DNAJC10: variants seen among roughly 807,000 people sequenced by gnomAD.
DNAJC10 encodes the protein endoplasmic reticulum disulfide reductase DNAJC10.
Under a neutral mutation model 115.0 loss-of-function variants are expected in DNAJC10, and 101 were observed. The observed-to-expected ratio is 0.88, with a 90% CI of 0.75 to 1.04. The LOEUF is 1.04. Among genes scored for constraint, DNAJC10 ranks in the 50% least tolerant of loss-of-function variants. The probability of loss-of-function intolerance (pLI) is 0.00; values close to 1 mark genes in which losing one functional copy is unlikely to be tolerated. For missense variants in DNAJC10, 981 were observed against 928.8 expected (o/e 1.06, Z -0.73); for synonymous variants, 307 against 301.5 (o/e 1.02, Z -0.19).
chr2:182,781,759 C>T lies in DNAJC10; in HGVS notation c.*4627C>T, dbSNP rs1466636848. The T allele has an allele frequency of 2.0e-5, 3 of 152,126 alleles. No homozygotes were observed. Among genetic ancestry groups the T allele is most frequent in the Non-Finnish European group, 4.4e-5 (3 of 68,028 alleles). The allele number at this position is 152,126 out of a possible 1,614,324, so 9.4% of individuals were successfully genotyped here. ...ATATCTTTGTTGGCCACCTAAATGTCTTCTTTTGAGAAGTGTCTGTTCATA... is the reference window on the plus strand; with the variant it reads ...ATATCTTTGTTGGCCACCTAAATGTTTTCTTTTGAGAAGTGTCTGTTCATA... On this transcript the variant is annotated 3_prime_UTR_variant, in exon 24 of 24. Transcript: ENST00000264065.
At chr2:182,759,040 T>G in intron 20 of DNAJC10, 120 bp from the exon 21 acceptor site, 4 of 1,044,406 alleles carry the variant, frequency 3.8e-6, no homozygotes, top group Non-Finnish European at 5.6e-6. Flanking sequence ...AGTACTGTAC[T>G]TTATTACATT....
Position 182,777,208 on chromosome 2 carries a change from C to A in DNAJC10, c.*76C>A. 1.1e-6 allele frequency: 1 copy of A among 883,604 alleles called. No individual in the cohort carries two copies. Among genetic ancestry groups the A allele is most frequent in the Non-Finnish European group, 1.6e-6 (1 of 611,028 alleles). 54.7% of individuals were successfully genotyped at this position (883,604 alleles called of 1,614,324 possible). On this transcript the variant is annotated 3_prime_UTR_variant, in exon 24 of 24. Coordinates refer to ENST00000264065, the MANE Select transcript of DNAJC10 (RefSeq NM_018981.4). The stretch of plus-strand genomic sequence containing the variant: ...CAGAAGACACCTATTTAGAATGTTA[C>A]ATTTATGATGGGAATGAATGAACAT...
chr2:182,729,081 A>T, intron 7 of DNAJC10, 87 bp downstream of exon 7: 1 of 1,367,650 alleles, frequency 7.3e-7, no homozygotes, highest in Non-Finnish European at 1.0e-6. Context: ...TAGAATTTGC[A>T]GAACATTTTA....
At position 182,785,908 on chromosome 2, in the gene DNAJC10, T is replaced by A. The variant is rs189385963; in HGVS notation, c.*8776T>A. 6 of 152,234 alleles carry A rather than the reference T, an allele frequency of 3.9e-5. No individual in the cohort carries two copies. Among genetic ancestry groups the A allele is most frequent in the East Asian group, 3.9e-4 (2 of 5,180 alleles). The allele number at this position is 152,234 out of a possible 1,614,324, so 9.4% of individuals were successfully genotyped here. On this transcript the variant is annotated 3_prime_UTR_variant, in exon 24 of 24. Transcript: ENST00000264065. ...TGTTGCATATTCTAATGACTTTTTT[T>A]AATAATGAAAATGTTTGGCATTTGC... is the stretch of plus-strand genomic sequence containing the variant.
intron 23 of DNAJC10, 141 bp downstream of exon 23, chr2:182,775,561 G>A: frequency 1.8e-6 from 1 of 566,164 alleles, no homozygotes; most frequent in Non-Finnish European, 3.2e-6. Flanking sequence ...TCTACTTTGG[G>A]AAATAGGACA....
At position 182,787,432 on chromosome 2, in the gene DNAJC10, A is replaced by G. The variant is rs1438303174; in HGVS notation, c.*10300A>G. 1 of 152,212 alleles carries G rather than the reference A, an allele frequency of 6.6e-6. No individual in the cohort carries two copies. Among genetic ancestry groups the G allele is most frequent in the East Asian group, 1.9e-4 (1 of 5,192 alleles). The allele number at this position is 152,212 out of a possible 1,614,324, so 9.4% of individuals were successfully genotyped here. ...CTCTGCTATTCAAGAAGTTTATACA[A>G]ACCCGTAATGTACTACCAAACCGTT... On this transcript the variant is annotated 3_prime_UTR_variant, in exon 24 of 24. Transcript: ENST00000264065.
At chr2:182,723,266 G>A (rs549069263) in intron 5 of DNAJC10, among the ~76,000 whole-genome samples, 2 of 151,964 alleles carry the variant, frequency 1.3e-5, no homozygotes, top group Non-Finnish European at 2.9e-5. Flanking sequence ...GGCTGATCTC[G>A]AACTCCTGAC....
intron 16 of DNAJC10, chr2:182,752,419 C>G (rs959449534): frequency 1.2e-5 from 4 of 346,138 alleles, no homozygotes; most frequent in African/African-American, 6.4e-5. Context: ...ATTTATCAAA[C>G]TCAGGCAACT....
intron 22 of DNAJC10, among the ~76,000 whole-genome samples, chr2:182,773,021 G>T (rs184458770): frequency 2.3e-4 from 35 of 152,314 alleles, no homozygotes; most frequent in African/African-American, 7.7e-4. Context: ...AGGAGCTCTT[G>T]TAAGGAAGGC....
intron 20 of DNAJC10, 75 bp from the exon 21 acceptor site, chr2:182,759,085 A>G: frequency 7.7e-7 from 1 of 1,302,150 alleles, no homozygotes; most frequent in Non-Finnish European, 1.1e-6. Flanking sequence ...CTTAGAAAGT[A>G]TTACAATATT....
chr2:182,750,823 A>G (rs1393266513), intron 14 of DNAJC10, among the ~76,000 whole-genome samples: 4 of 152,334 alleles, frequency 2.6e-5, no homozygotes, highest in African/African-American at 4.8e-5. Flanking sequence ...TCACTGAGCC[A>G]TAGGAATTTT....
rs1694843268 is a variant in DNAJC10 at position 182,781,412 on chromosome 2, T to G, written c.*4280T>G. The G allele has an allele frequency of 6.6e-6, 1 of 152,170 alleles. No individual in the cohort carries two copies. The highest frequency in any genetic ancestry group is 1.5e-5 in the Non-Finnish European group (1 of 68,038). 9.4% of individuals were successfully genotyped at this position (152,170 alleles called of 1,614,324 possible). A position where few individuals can be genotyped will look rare whatever the true frequency, so the allele number is the denominator to read the frequency against. The stretch of plus-strand genomic sequence containing the variant: ...AAGTGTTTCCTATTGTGAATAGTGC[T>G]CCAATAAACATACGTGTGCATGTGT... On this transcript the variant is annotated 3_prime_UTR_variant, in exon 24 of 24. Coordinates refer to ENST00000264065, the MANE Select transcript of DNAJC10 (RefSeq NM_018981.4).
Position 182,762,666 on chromosome 2 carries a change from T to C in DNAJC10, c.2146-16T>C, listed in dbSNP as rs1694314595. On this transcript the variant is annotated splice_polypyrimidine_tract_variant and intron_variant, in intron 21 of 23. Coordinates refer to ENST00000264065, the MANE Select transcript of DNAJC10 (RefSeq NM_018981.4). ...ATGCCAAACAGAAAATGGCAAACTG[T>C]ATTTTTCTTTTTCAGATGATTAAAG... The C allele has an allele frequency of 6.2e-7, 1 of 1,610,976 alleles. No homozygotes were observed. The highest frequency in any genetic ancestry group is 1.7e-5 in the Admixed American group (1 of 59,810).
chr2:182,751,192 T>C (rs1694008828), intron 14 of DNAJC10, among the ~76,000 whole-genome samples: 1 of 129,604 alleles, frequency 7.7e-6, no homozygotes, highest in Non-Finnish European at 1.6e-5. Flanking sequence ...TGGAGTGCAG[T>C]GTCGAGATCA....
At chr2:182,754,639 TAA>T in intron 16 of DNAJC10, 1 of 407,634 alleles carries the variant, frequency 2.5e-6, no homozygotes, top group Non-Finnish European at 3.3e-6. Flanking sequence ...TATTATGGTT[TAA>T]AAAAAAGACT....
intron 8 of DNAJC10, among the ~76,000 whole-genome samples, chr2:182,730,714 T>C (rs936977836): frequency 1.3e-5 from 2 of 152,084 alleles, no homozygotes; most frequent in African/African-American, 4.8e-5. Context: ...AGATCAATAA[T>C]TGGGTCAAGT....
Position 182,718,206 on chromosome 2 carries a change from T to TG in DNAJC10, c.122dup (p.Val42SerfsTer8). 3 of 1,613,664 alleles carry TG rather than the reference T, an allele frequency of 1.9e-6. No individual in the cohort carries two copies. Among genetic ancestry groups the TG allele is most frequent in the Non-Finnish European group, 2.5e-6 (3 of 1,179,840 alleles). On this transcript the variant is annotated frameshift_variant, in exon 3 of 24. Coordinates refer to ENST00000264065, the MANE Select transcript of DNAJC10 (RefSeq NM_018981.4). LOFTEE classifies it high-confidence loss of function. ...CAGATCAGGATTTTTACAGTTTACT[T>TG]GGAGTGTCCAAAACTGCAAGCAGTA...
intron 14 of DNAJC10, among the ~76,000 whole-genome samples, chr2:182,744,590 T>C (rs1693815968): frequency 1.3e-5 from 2 of 152,082 alleles, no homozygotes; most frequent in Admixed American, 6.6e-5. Flanking sequence ...TGGAGGAACT[T>C]TGGGGTAAGA....
At chr2:182,732,600 T>G in intron 10 of DNAJC10, 58 bp downstream of exon 10, 4 of 1,510,914 alleles carry the variant, frequency 2.6e-6, no homozygotes, top group Non-Finnish European at 3.7e-6. Context: ...CATTTAGAAA[T>G]TGATTTGAAA....
Sources: gnomAD v4.1 joint callset for allele counts (sites outside exome capture counted in the v4.1 genomes callset) on GRCh38, gnomAD v4.1.1 for gene constraint, MANE v1.5 for transcripts, NCBI Gene and HGNC (gene_info 2026-07-23, HGNC 2026-07-21) for gene names.